CDH4: variants seen among roughly 807,000 people sequenced by gnomAD.
The protein encoded by CDH4 is cadherin-4.
In CDH4, 33 loss-of-function variants were observed where a neutral mutation model predicts 86.0. That is an observed-to-expected ratio of 0.38 (90% CI 0.29 to 0.51). The LOEUF (loss-of-function observed/expected upper bound fraction) is 0.51. CDH4 is among the 20% of genes least tolerant of loss of function. The pLI is 0.86. For synonymous variants in CDH4, 555 were observed against 549.4 expected, an observed-to-expected ratio of 1.01 and a Z score of -0.14; for missense variants, 1,114 against 1,307.4, an observed-to-expected ratio of 0.85 and a Z score of 2.28.
chr20:61,444,382 TA>T (rs1290670081), intron 2 of CDH4, among the ~76,000 whole-genome samples: 3 of 130,192 alleles, frequency 2.3e-5, no homozygotes, highest in East Asian at 2.4e-4. Context: ...TGTGTGTGTC[TA>T]TGTGTGTCTG....
chr20:61,660,294 G>A (rs755642324), intron 2 of CDH4, among the ~76,000 whole-genome samples: 1 of 152,190 alleles, frequency 6.6e-6, no homozygotes, highest in Non-Finnish European at 1.5e-5. Context: ...AGAAACGCCC[G>A]CAAGGCATCT....
At chr20:61,330,705 A>G (rs1320651349) in intron 2 of CDH4, among the ~76,000 whole-genome samples, 2 of 152,186 alleles carry the variant, frequency 1.3e-5, no homozygotes, top group African/African-American at 4.8e-5. Flanking sequence ...CACGGCTGCC[A>G]CCTTGGGAAT....
chr20:61,566,218 T>C (rs1243874541), intron 2 of CDH4, among the ~76,000 whole-genome samples: 1 of 152,228 alleles, frequency 6.6e-6, no homozygotes, highest in Non-Finnish European at 1.5e-5. Flanking sequence ...TCCTCCGCTG[T>C]CCTGCTGTTT....
chr20:61,478,402 G>C (rs137861562), intron 2 of CDH4, among the ~76,000 whole-genome samples: 4 of 138,828 alleles, frequency 2.9e-5, no homozygotes, highest in Non-Finnish European at 6.6e-5. Context: ...TGAGGTTTCT[G>C]CTGAGCGTGA....
intron 2 of CDH4, among the ~76,000 whole-genome samples, chr20:61,665,435 G>T (rs557602489): frequency 5.9e-5 from 9 of 152,350 alleles, no homozygotes; most frequent in African/African-American, 2.2e-4. Flanking sequence ...TGTGGGTTGA[G>T]GGGAGGCTGC....
At chr20:61,863,078 A>G (rs538646095) in intron 6 of CDH4, among the ~76,000 whole-genome samples, 1 of 152,366 alleles carries the variant, frequency 6.6e-6, no homozygotes, top group Non-Finnish European at 1.5e-5. Context: ...AAAGCCAATT[A>G]TGGGGCTGAA....
chr20:61,338,832 ATCATTCATT>A (rs1385929507), intron 2 of CDH4, among the ~76,000 whole-genome samples: 1 of 152,246 alleles, frequency 6.6e-6, no homozygotes, highest in Non-Finnish European at 1.5e-5. Context: ...AGAAAGTTCC[ATCATTCATT>A]TTATGTGTGT....
intron 13 of CDH4, among the ~76,000 whole-genome samples, chr20:61,931,845 A>G (rs966805501): frequency 9.2e-5 from 14 of 152,058 alleles, no homozygotes; most frequent in Non-Finnish European, 1.5e-5. Context: ...TCCACCCCAC[A>G]AGGGGACTTT....
At chr20:61,600,083 T>C in intron 2 of CDH4, 1 of 467,870 alleles carries the variant, frequency 2.1e-6, no homozygotes, top group Non-Finnish European at 2.8e-6. Context: ...CCGGGGATGG[T>C]TTTCAAAACC....
intron 2 of CDH4, among the ~76,000 whole-genome samples, chr20:61,720,048 G>A (rs1003145896): frequency 3.3e-5 from 5 of 152,140 alleles, no homozygotes; most frequent in Admixed American, 6.5e-5. Context: ...TCTCAGTAAC[G>A]GAGAAGGAGG....
intron 4 of CDH4, among the ~76,000 whole-genome samples, chr20:61,798,423 C>T (rs976615868): frequency 6.6e-6 from 1 of 152,250 alleles, no homozygotes; most frequent in Non-Finnish European, 1.5e-5. Flanking sequence ...TTTCCTGCTA[C>T]CTCCGTGCGC....
At chr20:61,440,376 A>C (rs535276854) in intron 2 of CDH4, among the ~76,000 whole-genome samples, 14 of 152,318 alleles carry the variant, frequency 9.2e-5, no homozygotes, top group African/African-American at 1.2e-4. Context: ...TGTAAAGGGA[A>C]CACCCTGTTG....
chr20:61,705,954 C>T (rs1172217982), intron 2 of CDH4, among the ~76,000 whole-genome samples: 5 of 152,198 alleles, frequency 3.3e-5, no homozygotes, highest in South Asian at 2.1e-4. Context: ...AATTCCACGC[C>T]GCTTCCTTCT....
At chr20:61,277,245 A>T (rs532830706) in intron 2 of CDH4, among the ~76,000 whole-genome samples, 1 of 152,162 alleles carries the variant, frequency 6.6e-6, no homozygotes, top group African/African-American at 2.4e-5. Context: ...CTTCCCCTCT[A>T]CCTGAGCTAA....
chr20:61,458,830 G>A (rs2085425014), intron 2 of CDH4, among the ~76,000 whole-genome samples: 1 of 152,036 alleles, frequency 6.6e-6, no homozygotes, highest in African/African-American at 2.4e-5. Context: ...GGCAGAGTCA[G>A]TGGAACGATC....
rs1235323251 is a variant in CDH4 at position 61,452,499 on chromosome 20, T to A, written c.169+197562T>A. Among the ~76,000 whole-genome samples the A allele has an allele frequency of 2.0e-5, 3 of 152,346 alleles. No homozygotes were observed. The East Asian group carries it at 5.8e-4, about 29-fold the overall frequency. On this transcript the variant is annotated intron_variant, in intron 2 of 15. Coordinates refer to ENST00000614565, the MANE Select transcript of CDH4 (RefSeq NM_001794.5). Reference sequence around the variant, plus strand: ...TCAAATGCAGCTCTTCTTGTGTGAATAATGCATTCTGGGGCAGGCTTGGTA... The same window carrying A: ...TCAAATGCAGCTCTTCTTGTGTGAAAAATGCATTCTGGGGCAGGCTTGGTA...
intron 2 of CDH4, among the ~76,000 whole-genome samples, chr20:61,668,215 A>G (rs909290493): frequency 2.6e-5 from 4 of 152,164 alleles, no homozygotes; most frequent in African/African-American, 9.7e-5. Flanking sequence ...GTTAGTGTGT[A>G]TTTATCTAGC....
intron 2 of CDH4, among the ~76,000 whole-genome samples, chr20:61,458,290 G>T (rs1028737815): frequency 2.0e-5 from 3 of 151,926 alleles, no homozygotes; most frequent in Non-Finnish European, 4.4e-5. Context: ...TGGTGGTGAT[G>T]GTGATGGTAT....
At chr20:61,853,075 G>A (rs1982811114) in intron 6 of CDH4, among the ~76,000 whole-genome samples, 177 bp downstream of exon 6, 1 of 152,226 alleles carries the variant, frequency 6.6e-6, no homozygotes, top group African/African-American at 2.4e-5. Context: ...CACAGGCCTT[G>A]GGGTCAAGGG....
Sources: gnomAD v4.1 joint callset for allele counts (sites outside exome capture counted in the v4.1 genomes callset) on GRCh38, gnomAD v4.1.1 for gene constraint, MANE v1.5 for transcripts, NCBI Gene and HGNC (gene_info 2026-07-23, HGNC 2026-07-21) for gene names.